The following CADM2 variants were observed in gnomAD, a reference collection of about 807,000 sequenced individuals.
CADM2 encodes the protein cell adhesion molecule 2, also known as immunoglobulin superfamily member 4D.
In CADM2, 12 loss-of-function variants were observed where a neutral mutation model predicts 49.8. The ratio of observed to expected loss-of-function variants is 0.24; its 90% CI spans 0.15 to 0.39. The LOEUF (loss-of-function observed/expected upper bound fraction) is 0.39, where lower values mean the gene tolerates loss of function less well. CADM2 is among the 10% of genes least tolerant of loss of function. The probability of loss-of-function intolerance (pLI) is 1.00; values close to 1 mark genes in which losing one functional copy is unlikely to be tolerated. For missense variants in CADM2, 378 were observed against 492.3 expected (o/e 0.77, Z 2.20); for synonymous variants, 214 against 175.4 (o/e 1.22, Z -1.74).
chr3:85,858,107 G>A (rs114686807), intron 3 of CADM2, among the ~76,000 whole-genome samples: 1,845 of 152,268 alleles, frequency 0.012, 48 homozygotes, highest in South Asian at 0.093. Context: ...TAAAATTGTA[G>A]TATGAAGCCT....
At chr3:85,835,000 A>G (rs13078807) in intron 3 of CADM2, among the ~76,000 whole-genome samples, 21,846 of 151,694 alleles carry the variant, frequency 0.14, 2,005 homozygotes, top group Non-Finnish European at 0.2. Context: ...GTGCTTGCAC[A>G]CGCATGTGTG....
intron 1 of CADM2, among the ~76,000 whole-genome samples, chr3:85,297,044 G>A (rs921460225): frequency 1.8e-4 from 28 of 151,938 alleles, no homozygotes; most frequent in Non-Finnish European, 7.4e-5. Context: ...CAGTGATTTA[G>A]GGCAGAGACA....
At chr3:85,529,017 A>G (rs1240895445) in intron 1 of CADM2, among the ~76,000 whole-genome samples, 1 of 152,202 alleles carries the variant, frequency 6.6e-6, no homozygotes, top group Non-Finnish European at 1.5e-5. Context: ...TTATTTAGTC[A>G]TGTAACAACC....
intron 1 of CADM2, among the ~76,000 whole-genome samples, chr3:85,371,261 C>G (rs1269722322): frequency 6.6e-6 from 1 of 152,082 alleles, no homozygotes; most frequent in Non-Finnish European, 1.5e-5. Flanking sequence ...GTCACTGACA[C>G]ACCCAGAGAA....
intron 1 of CADM2, among the ~76,000 whole-genome samples, chr3:85,696,960 G>T (rs753974835): frequency 6.6e-6 from 1 of 151,520 alleles, no homozygotes; most frequent in Non-Finnish European, 1.5e-5. Flanking sequence ...TTCATAAATA[G>T]AGCAGTACTA....
intron 1 of CADM2, among the ~76,000 whole-genome samples, chr3:85,034,184 G>A (rs1157971371): frequency 6.6e-6 from 1 of 152,100 alleles, no homozygotes; most frequent in African/African-American, 2.4e-5. Context: ...ATTGTCTACT[G>A]TGTCACCCTG....
At chr3:85,312,393 C>A (rs982130814) in intron 1 of CADM2, among the ~76,000 whole-genome samples, 1 of 151,916 alleles carries the variant, frequency 6.6e-6, no homozygotes, top group East Asian at 1.9e-4. Flanking sequence ...GTGGTCCTAC[C>A]GGTAAGAGAC....
intron 1 of CADM2, among the ~76,000 whole-genome samples, chr3:85,608,566 A>T (rs1258955034): frequency 2.0e-5 from 3 of 152,186 alleles, no homozygotes; most frequent in Non-Finnish European, 4.4e-5. Context: ...AGTGAATGGC[A>T]TTGTAAAATC....
intron 1 of CADM2, among the ~76,000 whole-genome samples, chr3:85,020,940 A>C (rs1404481432): frequency 2.0e-5 from 3 of 152,090 alleles, no homozygotes; most frequent in African/African-American, 7.2e-5. Flanking sequence ...ATATGGCATT[A>C]ATTTTTTCTC....
intron 1 of CADM2, among the ~76,000 whole-genome samples, chr3:85,441,797 G>A (rs2082556): frequency 0.49 from 74,463 of 151,886 alleles, 21,951 homozygotes; most frequent in East Asian, 0.83. Flanking sequence ...GACACGTGGT[G>A]AGAGAAATAC....
At chr3:85,903,892 C>T (rs573675820) in intron 5 of CADM2, among the ~76,000 whole-genome samples, 66 of 152,212 alleles carry the variant, frequency 4.3e-4, no homozygotes, top group African/African-American at 1.5e-3. Flanking sequence ...GAATCCTTTG[C>T]TGGGCTTTAT....
chr3:85,614,739 C>G (rs771780516), intron 1 of CADM2, among the ~76,000 whole-genome samples: 1 of 151,864 alleles, frequency 6.6e-6, no homozygotes, highest in Non-Finnish European at 1.5e-5. Flanking sequence ...GCAAACCTCT[C>G]ATGTAAAGAC....
chr3:85,127,085 T>C (rs1365374163), intron 1 of CADM2, among the ~76,000 whole-genome samples: 2 of 152,180 alleles, frequency 1.3e-5, no homozygotes, highest in African/African-American at 4.8e-5. Flanking sequence ...ACTCAGATTA[T>C]ATGAACTGTT....
At chr3:85,663,476 A>G (rs759048261) in intron 1 of CADM2, among the ~76,000 whole-genome samples, 16 of 152,138 alleles carry the variant, frequency 1.1e-4, no homozygotes, top group Non-Finnish European at 2.2e-4. Flanking sequence ...TGAGAAAAAT[A>G]AAAGCAACCA....
chr3:85,831,397 A>G (rs1367081452), intron 3 of CADM2, among the ~76,000 whole-genome samples: 2 of 151,970 alleles, frequency 1.3e-5, no homozygotes, highest in Non-Finnish European at 2.9e-5. Flanking sequence ...CTTCTTTAAA[A>G]AATCTCCAAA....
intron 1 of CADM2, among the ~76,000 whole-genome samples, chr3:85,284,639 G>C (rs1160114246): frequency 2.0e-5 from 3 of 152,134 alleles, no homozygotes; most frequent in African/African-American, 7.2e-5. Context: ...AAAATAACTT[G>C]AGACAGGATT....
intron 2 of CADM2, among the ~76,000 whole-genome samples, chr3:85,751,281 C>G (rs945499499): frequency 1.3e-5 from 2 of 152,116 alleles, no homozygotes; most frequent in South Asian, 4.2e-4. Context: ...TGAAGCAAAC[C>G]AGTTGTAGGT....
intron 1 of CADM2, among the ~76,000 whole-genome samples, chr3:85,646,005 T>A (rs2064871574): frequency 6.6e-6 from 1 of 151,990 alleles, no homozygotes; most frequent in Non-Finnish European, 1.5e-5. Context: ...TTTAAAGCAG[T>A]AATACTTTTT....
intron 1 of CADM2, among the ~76,000 whole-genome samples, chr3:85,050,128 C>T (rs2035826578): frequency 6.6e-6 from 1 of 151,920 alleles, no homozygotes; most frequent in Admixed American, 6.6e-5. Context: ...CTGTTGGGGG[C>T]TATGTATTAG....
Sources: allele counts gnomAD v4.1 joint callset (sites outside exome capture counted in the v4.1 genomes callset), GRCh38; gene constraint gnomAD v4.1.1; transcripts MANE v1.5; gene names NCBI Gene and HGNC (gene_info 2026-07-23, HGNC 2026-07-21).